BAZ2B: variants seen among roughly 807,000 people sequenced by gnomAD.
BAZ2B encodes the protein bromodomain adjacent to zinc finger domain 2B.
In BAZ2B, 91 loss-of-function variants were observed where a neutral mutation model predicts 246.0. The ratio of observed to expected loss-of-function variants is 0.37; its 90% CI spans 0.31 to 0.44. The LOEUF is 0.44. BAZ2B is among the 20% of genes least tolerant of loss of function. BAZ2B has a pLI of 1.00. For missense variants in BAZ2B, 2,332 were observed against 2,533.7 expected, an observed-to-expected ratio of 0.92 and a Z score of 1.71; for synonymous variants, 855 against 860.0, an observed-to-expected ratio of 0.99 and a Z score of 0.10.
the BAZ2B span, among the ~76,000 whole-genome samples, chr2:159,666,874 A>C: frequency 2.2e-4 from 34 of 152,180 alleles, no homozygotes; most frequent in South Asian, 2.7e-3. Flanking sequence ...CAAACCAAAC[A>C]AAACAAAACA....
At position 159,478,584 on chromosome 2, in the gene BAZ2B, T is replaced by C. The variant is rs930266888; in HGVS notation, c.136A>G (p.Asn46Asp). Residue 46 changes from asparagine to aspartate, a missense_variant, in exon 3 of 37, where the codon AAC becomes GAC. Transcript: ENST00000392783. ...AAAAAAGGGTATTCACCACATGGGT[T>C]GATTGTAGAGCTAAGTGAAGCAACT... is the stretch of plus-strand genomic sequence containing the variant. ...TGVASLSSTI[N>D]PCGHLFRTAG... 2 of 1,605,974 alleles carry C rather than the reference T, an allele frequency of 1.2e-6. No individual in the cohort carries two copies. The highest frequency in any genetic ancestry group is 2.7e-5 in the African/African-American group (2 of 74,442).
At chr2:159,531,233 C>T (rs924413163) in intron 2 of BAZ2B, among the ~76,000 whole-genome samples, 1 of 151,940 alleles carries the variant, frequency 6.6e-6, no homozygotes, top group Non-Finnish European at 1.5e-5. Flanking sequence ...ACTCTCTGAC[C>T]CTTACTTTCC....
chr2:159,639,573 C>T, the BAZ2B span, among the ~76,000 whole-genome samples: 2 of 152,042 alleles, frequency 1.3e-5, no homozygotes, highest in Non-Finnish European at 2.9e-5. Flanking sequence ...TATTAGTTTT[C>T]TCTCTCATAT....
At chr2:159,532,325 G>A (rs929037705) in intron 2 of BAZ2B, among the ~76,000 whole-genome samples, 1 of 152,064 alleles carries the variant, frequency 6.6e-6, no homozygotes, top group Non-Finnish European at 1.5e-5. Flanking sequence ...AACAAAAGCA[G>A]TAAAATCCTT....
At chr2:159,575,387 C>T (rs2151593744) in intron 1 of BAZ2B, among the ~76,000 whole-genome samples, 1 of 152,210 alleles carries the variant, frequency 6.6e-6, no homozygotes, top group Non-Finnish European at 1.5e-5. Flanking sequence ...GAAGTGAAGT[C>T]AATTCAACAG....
chr2:159,577,121 G>C (rs1227841002), intron 1 of BAZ2B, among the ~76,000 whole-genome samples: 2 of 150,228 alleles, frequency 1.3e-5, no homozygotes, highest in Non-Finnish European at 2.9e-5. Context: ...CCAGCTACTC[G>C]GAAGGCTGAG....
chr2:159,385,504 G>A, intron 22 of BAZ2B, 135 bp from the exon 23 acceptor site: 1 of 708,842 alleles, frequency 1.4e-6, no homozygotes. Context: ...TTTAATGAAA[G>A]AGACACAAAA....
chr2:159,357,893 T>A (rs1371078239), intron 27 of BAZ2B, among the ~76,000 whole-genome samples: 1 of 151,992 alleles, frequency 6.6e-6, no homozygotes, highest in Admixed American at 6.6e-5. Context: ...AGAAATAAAA[T>A]CCCTTACAGA....
At chr2:159,414,176 T>A (rs1031040596) in intron 13 of BAZ2B, among the ~76,000 whole-genome samples, 1 of 152,198 alleles carries the variant, frequency 6.6e-6, no homozygotes, top group Non-Finnish European at 1.5e-5. Context: ...AAGGTAAGTT[T>A]TGCATGTTCT....
chr2:159,492,547 A>C (rs2080621680), intron 2 of BAZ2B, among the ~76,000 whole-genome samples: 1 of 152,236 alleles, frequency 6.6e-6, no homozygotes, highest in African/African-American at 2.4e-5. Context: ...CCTTAGAGGA[A>C]TACTTTGCTT....
At chr2:159,488,886 C>T (rs1002640280) in intron 2 of BAZ2B, among the ~76,000 whole-genome samples, 1 of 152,116 alleles carries the variant, frequency 6.6e-6, no homozygotes, top group Non-Finnish European at 1.5e-5. Flanking sequence ...TAGTCACAAA[C>T]TCTGGAGCTT....
intron 2 of BAZ2B, among the ~76,000 whole-genome samples, chr2:159,500,988 G>A (rs2081642477): frequency 6.8e-6 from 1 of 146,024 alleles, no homozygotes; most frequent in Non-Finnish European, 1.5e-5. Flanking sequence ...GAAAGAAAAC[G>A]GCTGGGCACG....
rs554369554 is a variant in BAZ2B, at chr2:159,325,928, A to T, written c.5944-10T>A. 5.0e-5 allele frequency: 74 copies of T among 1,494,622 alleles called. No individual in the cohort carries two copies. In the East Asian group the frequency reaches 6.7e-4, roughly 14 times the overall value. The allele number at this position is 1,494,622 out of a possible 1,614,324, so 92.6% of individuals were successfully genotyped here. The stretch of plus-strand genomic sequence containing the variant: ...GAGTTTGACCACTTGCCTTTAATTT[A>T]AAAAAAAAGTAAATGAGGTGTAAGA... On this transcript the variant is annotated splice_polypyrimidine_tract_variant and intron_variant, in intron 34 of 36. Coordinates refer to ENST00000392783, the MANE Select transcript of BAZ2B (RefSeq NM_013450.4).
chr2:159,608,963 G>A (rs1028500838), intron 1 of BAZ2B, among the ~76,000 whole-genome samples: 3 of 152,166 alleles, frequency 2.0e-5, no homozygotes, highest in Non-Finnish European at 4.4e-5. Flanking sequence ...ACATGCACAT[G>A]TGAGCCTAAC....
chr2:159,369,314 A>C (rs1332852090), intron 27 of BAZ2B, among the ~76,000 whole-genome samples: 2 of 152,224 alleles, frequency 1.3e-5, no homozygotes, highest in Admixed American at 1.3e-4. Flanking sequence ...GGACTAGTTG[A>C]ATTCTCATTA....
At position 159,453,776 on chromosome 2, in the gene BAZ2B, A is replaced by C; in HGVS notation, c.171T>G (p.Asp57Glu). 6.2e-7 allele frequency: 1 copy of C among 1,609,196 alleles called. No individual in the cohort carries two copies. Among genetic ancestry groups the C allele is most frequent in the Non-Finnish European group, 8.5e-7 (1 of 1,177,664 alleles). ...PCGHLFRTAG[D>E]QPFNLSTVSS... ...ACACTGTGGACAGGTTAAACGGTTG[A>C]TCCCCAGCTGTTCTGAATAAATGTC... Residue 57 changes from aspartate to glutamate, a missense_variant, in exon 4 of 37, where the codon GAT becomes GAG. Physicochemically the swap from Asp to Glu is conservative, Grantham distance 45. Transcript: ENST00000392783.
chr2:159,461,096 A>G (rs1205610315), intron 3 of BAZ2B: 1 of 152,556 alleles, frequency 6.6e-6, no homozygotes, highest in Non-Finnish European at 1.5e-5. Flanking sequence ...TTCCTTGACT[A>G]TATTACTGAG....
At chr2:159,645,010 C>A in the BAZ2B span, among the ~76,000 whole-genome samples, 1 of 152,172 alleles carries the variant, frequency 6.6e-6, no homozygotes, top group Non-Finnish European at 1.5e-5. Context: ...CACAGTGGCT[C>A]ACACGTGTAA....
the BAZ2B span, chr2:159,690,029 T>C: frequency 9.5e-6 from 4 of 418,864 alleles, no homozygotes; most frequent in Non-Finnish European, 1.8e-5. Flanking sequence ...GACATGGAAG[T>C]TGGGCAGTTT....
Sources: gnomAD v4.1 joint callset for allele counts (sites outside exome capture counted in the v4.1 genomes callset) on GRCh38, gnomAD v4.1.1 for gene constraint, MANE v1.5 for transcripts, NCBI Gene and HGNC (gene_info 2026-07-23, HGNC 2026-07-21) for gene names.